The following HIPK3 variants were observed in gnomAD, a reference collection of about 807,000 sequenced individuals.
HIPK3 encodes homeodomain interacting protein kinase 3.
In HIPK3, 47 loss-of-function variants were observed where a neutral mutation model predicts 124.2. That is an observed-to-expected ratio of 0.38 (90% CI 0.30 to 0.48). The LOEUF (loss-of-function observed/expected upper bound fraction) is 0.48. Among genes scored for constraint, HIPK3 ranks in the 20% least tolerant of loss-of-function variants. HIPK3 has a pLI of 0.98. For missense variants in HIPK3, 1,286 were observed against 1,454.3 expected, an observed-to-expected ratio of 0.88 and a Z score of 1.88; for synonymous variants, 482 against 515.2, an observed-to-expected ratio of 0.94 and a Z score of 0.87.
upstream of HIPK3, chr11:33,256,770 T>A (rs1374070307): frequency 1.1e-6 from 1 of 936,830 alleles, no homozygotes; most frequent in African/African-American, 1.8e-5. Context: ...AACTTCACAA[T>A]TATGGGGTTT....
chr11:33,291,436 C>G (rs1851695059), intron 2 of HIPK3, among the ~76,000 whole-genome samples: 1 of 152,126 alleles, frequency 6.6e-6, no homozygotes, highest in Non-Finnish European at 1.5e-5. Flanking sequence ...TATTCTATTT[C>G]TTTGTGCAAC....
intron 2 of HIPK3, among the ~76,000 whole-genome samples, chr11:33,323,803 A>G (rs1852733749): frequency 6.6e-6 from 1 of 152,248 alleles, no homozygotes; most frequent in Admixed American, 6.5e-5. Context: ...TTTCAGATGT[A>G]GATTGGCTTT....
intron 2 of HIPK3, among the ~76,000 whole-genome samples, chr11:33,312,705 CTTAAG>C (rs932303935): frequency 6.6e-6 from 1 of 152,100 alleles, no homozygotes; most frequent in African/African-American, 2.4e-5. Context: ...CAATTTAAAT[CTTAAG>C]TTTTTGTCTT....
At position 33,341,689 on chromosome 11, in the gene HIPK3, ATTATT is replaced by A. The variant is rs1389893736; in HGVS notation, c.1897+10_1897+14del. The A allele has an allele frequency of 3.1e-6, 5 of 1,595,002 alleles. No homozygotes were observed. The highest frequency in any genetic ancestry group is 4.3e-6 in the Non-Finnish European group (5 of 1,172,844). Reference sequence around the variant, plus strand: ...TATCTGTCCCCCAGCTATTCAAGGTATTATTTTATTTAAATTTTGCTTTGAATCTA... The same window carrying A: ...TATCTGTCCCCCAGCTATTCAAGGTATTATTTAAATTTTGCTTTGAATCTA... On this transcript the variant is annotated splice_donor_5th_base_variant and intron_variant, in intron 8 of 16. Coordinates refer to ENST00000303296, the MANE Select transcript of HIPK3 (RefSeq NM_005734.5).
intron 1 of HIPK3, among the ~76,000 whole-genome samples, chr11:33,273,382 A>G (rs568445): frequency 6.6e-6 from 1 of 151,556 alleles, no homozygotes; most frequent in Non-Finnish European, 1.5e-5. Context: ...GGTGGCGGGC[A>G]CCTGTAGTCC....
At chr11:33,280,177 G>C (rs886580681) in intron 1 of HIPK3, among the ~76,000 whole-genome samples, 25 of 152,108 alleles carry the variant, frequency 1.6e-4, no homozygotes, top group African/African-American at 5.8e-4. Context: ...GCTCACAAAG[G>C]GGTAGTATTT....
Position 33,257,895 on chromosome 11 carries a change from G to A in HIPK3, c.-3+6G>A. ...GAGCGCGGGCCTCTAGGAAGGTAAG[G>A]GAGTCGAGCGAGGGGCGCCGCCACC... On this transcript the variant is annotated splice_donor_region_variant and intron_variant, in intron 1 of 16. Coordinates refer to ENST00000303296, the MANE Select transcript of HIPK3 (RefSeq NM_005734.5). The A allele has an allele frequency of 1.0e-6, 1 of 985,650 alleles. No individual in the cohort carries two copies. 61.1% of individuals were successfully genotyped at this position (985,650 alleles called of 1,614,324 possible). A position where few individuals can be genotyped will look rare whatever the true frequency, so the allele number is the denominator to read the frequency against.
intron 1 of HIPK3, among the ~76,000 whole-genome samples, chr11:33,273,743 A>G (rs1482331759): frequency 2.0e-5 from 3 of 152,124 alleles, no homozygotes; most frequent in Non-Finnish European, 4.4e-5. Context: ...TTTCTATTCA[A>G]CTTATTTTTT....
intron 2 of HIPK3, among the ~76,000 whole-genome samples, chr11:33,291,927 A>G (rs765973751): frequency 2.0e-4 from 31 of 152,218 alleles, no homozygotes; most frequent in Non-Finnish European, 3.8e-4. Flanking sequence ...ACAAAAAGGT[A>G]TGTAATGATA....
Position 33,352,166 on chromosome 11 carries a change from A to T in HIPK3, c.3072A>T (p.Gly1024=), listed in dbSNP as rs1191594526. ...TDSICQPLIK[G]RSAPGRLNQP... ...CTATATGCCAGCCATTAATAAAAGGACGATCTGCCCCTGGAAGATTAAACC... is the reference window on the plus strand; with the variant it reads ...CTATATGCCAGCCATTAATAAAAGGTCGATCTGCCCCTGGAAGATTAAACC... Residue 1024 remains glycine (G), a synonymous_variant, in exon 16 of 17, where the codon GGA becomes GGT. Transcript: ENST00000303296. 6.2e-7 allele frequency: 1 copy of T among 1,613,754 alleles called. No individual in the cohort carries two copies. Among genetic ancestry groups the T allele is most frequent in the Non-Finnish European group, 8.5e-7 (1 of 1,179,640 alleles).
At chr11:33,331,209 T>C (rs756658405) in intron 3 of HIPK3, among the ~76,000 whole-genome samples, 10 of 152,104 alleles carry the variant, frequency 6.6e-5, no homozygotes, top group Non-Finnish European at 1.3e-4. Flanking sequence ...ACAGCTTTAG[T>C]CTGTTTATTA....
rs1031715348 is a variant in HIPK3 at position 33,354,115 on chromosome 11, T to C, written c.*547T>C. On this transcript the variant is annotated 3_prime_UTR_variant, in exon 17 of 17. Coordinates refer to ENST00000303296, the MANE Select transcript of HIPK3 (RefSeq NM_005734.5). The stretch of plus-strand genomic sequence containing the variant: ...CTGCATTGTAAACCGTTCCTACACA[T>C]AGTGCCTTAAATATTTGAGGTTGTT... 2 of 155,106 alleles carry C rather than the reference T, an allele frequency of 1.3e-5. No individual in the cohort carries two copies. The highest frequency in any genetic ancestry group is 4.8e-5 in the African/African-American group (2 of 41,474). The allele number at this position is 155,106 out of a possible 1,614,324, so 9.6% of individuals were successfully genotyped here.
chr11:33,285,177 C>G (rs535841601), intron 1 of HIPK3, among the ~76,000 whole-genome samples: 3 of 152,160 alleles, frequency 2.0e-5, no homozygotes, highest in Admixed American at 2.0e-4. Context: ...GCTATTTCAG[C>G]CTCAATAAAC....
At chr11:33,281,899 T>C (rs999033490) in intron 1 of HIPK3, among the ~76,000 whole-genome samples, 1 of 152,146 alleles carries the variant, frequency 6.6e-6, no homozygotes, top group Admixed American at 6.6e-5. Flanking sequence ...AGTGCTGCAG[T>C]GAATATTCTT....
In HIPK3 at chr11:33,353,648, A is replaced by AATATT; in HGVS notation, c.*80_*81insATATT. The AATATT allele has an allele frequency of 1.0e-6, 1 of 971,424 alleles. No homozygotes were observed. The highest frequency in any genetic ancestry group is 1.6e-6 in the Non-Finnish European group (1 of 642,428). The allele number at this position is 971,424 out of a possible 1,614,324, so 60.2% of individuals were successfully genotyped here. A position where few individuals can be genotyped will look rare whatever the true frequency, so the allele number is the denominator to read the frequency against. ...CATGGTATTTAATATTAGCCATGGCACAAGAAAATTATTTTTGAATCATGT... is the reference window on the plus strand; with the variant it reads ...CATGGTATTTAATATTAGCCATGGCAATATTCAAGAAAATTATTTTTGAATCATGT... On this transcript the variant is annotated 3_prime_UTR_variant, in exon 17 of 17. Coordinates refer to ENST00000303296, the MANE Select transcript of HIPK3 (RefSeq NM_005734.5).
At chr11:33,342,005 G>C (rs1370989852) in intron 8 of HIPK3, among the ~76,000 whole-genome samples, 1 of 150,824 alleles carries the variant, frequency 6.6e-6, no homozygotes, top group Non-Finnish European at 1.5e-5. Context: ...GGAGGCTGAA[G>C]CTGGGAAATG....
At chr11:33,322,093 G>A (rs1025201198) in intron 2 of HIPK3, among the ~76,000 whole-genome samples, 17 of 151,984 alleles carry the variant, frequency 1.1e-4, no homozygotes, top group African/African-American at 3.1e-4. Flanking sequence ...TCCGCCTCCC[G>A]GGTTCACACC....
chr11:33,286,003 G>C (rs1447500231), intron 1 of HIPK3, among the ~76,000 whole-genome samples: 4 of 152,134 alleles, frequency 2.6e-5, no homozygotes, highest in Non-Finnish European at 5.9e-5. Context: ...TTGGACTCCT[G>C]ACCTCAAGTG....
upstream of HIPK3, chr11:33,257,351 G>A (rs1453963621): frequency 1.1e-5 from 11 of 984,656 alleles, no homozygotes; most frequent in Non-Finnish European, 1.3e-5. Context: ...GCCGACGAGC[G>A]CGGAGGAGGG....
Sources: allele counts gnomAD v4.1 joint callset (sites outside exome capture counted in the v4.1 genomes callset), GRCh38; gene constraint gnomAD v4.1.1; transcripts MANE v1.5; gene names NCBI Gene and HGNC (gene_info 2026-07-23, HGNC 2026-07-21).